Variants in KIAA0825 observed in about 807,000 individuals in gnomAD.
KIAA0825 encodes the protein KIAA0825, also known as uncharacterized protein KIAA0825.
In KIAA0825, 119 loss-of-function variants were observed where a neutral mutation model predicts 147.6. The ratio of observed to expected loss-of-function variants is 0.81; its 90% CI spans 0.69 to 0.94. KIAA0825 has a LOEUF of 0.94. KIAA0825 is among the 40% of genes least tolerant of loss of function. KIAA0825 has a pLI of 0.00. For missense variants in KIAA0825, 1,381 were observed against 1,472.7 expected (o/e 0.94, Z 1.02); for synonymous variants, 470 against 518.1 (o/e 0.91, Z 1.26).
At chr5:94,189,815 G>A (rs1770496875) in intron 20 of KIAA0825, among the ~76,000 whole-genome samples, 1 of 151,974 alleles carries the variant, frequency 6.6e-6, no homozygotes, top group Non-Finnish European at 1.5e-5. Flanking sequence ...AATCTTGTTT[G>A]AATTTTAATT....
intron 20 of KIAA0825, among the ~76,000 whole-genome samples, chr5:94,187,885 G>A (rs1015344241): frequency 3.3e-5 from 5 of 152,166 alleles, no homozygotes; most frequent in African/African-American, 1.2e-4. Context: ...CAATGTACAT[G>A]CAATGGACTG....
intron 2 of KIAA0825, among the ~76,000 whole-genome samples, chr5:94,554,221 C>G (rs1397670626): frequency 6.6e-6 from 1 of 152,158 alleles, no homozygotes; most frequent in Non-Finnish European, 1.5e-5. Context: ...CCTTACTCAA[C>G]AAAAGATGTC....
intron 1 of KIAA0825, chr5:94,617,933 A>G (rs1282267481): frequency 1.3e-5 from 2 of 152,252 alleles, no homozygotes; most frequent in African/African-American, 4.8e-5. Flanking sequence ...CCCAAGCATG[A>G]AATTACAAGC....
Position 94,520,439 on chromosome 5 carries a change from T to C in KIAA0825, c.779A>G (p.Asn260Ser). 6.2e-7 allele frequency: 1 copy of C among 1,612,740 alleles called. No individual in the cohort carries two copies. The highest frequency in any genetic ancestry group is 8.5e-7 in the Non-Finnish European group (1 of 1,178,986). Residue 260 changes from asparagine (N) to serine (S), a missense_variant, in exon 5 of 21, where the codon AAC (asparagine) becomes AGC (serine). Transcript: ENST00000682413. ...TGGAGCTAAAATTTCACATAGTGTG[T>C]TAAAATCCTCTTTTATTACTGAGTA... ...KLYSVIKEDF[N>S]TLCEILAPSS... is the part of the protein sequence containing the mutation.
At chr5:94,197,399 T>A (rs1771235868) in intron 20 of KIAA0825, among the ~76,000 whole-genome samples, 3 of 152,238 alleles carry the variant, frequency 2.0e-5, no homozygotes, top group Non-Finnish European at 4.4e-5. Context: ...GGAAATATTT[T>A]CTCCTATTCT....
chr5:94,568,290 C>T (rs375920465), intron 2 of KIAA0825: 160 of 158,692 alleles, frequency 1.0e-3, no homozygotes, highest in Non-Finnish European at 1.9e-3. Flanking sequence ...CCCTTCCTCA[C>T]GGGCTTCTAT....
At chr5:94,384,034 T>C (rs1748810568) in intron 20 of KIAA0825, among the ~76,000 whole-genome samples, 3 of 152,186 alleles carry the variant, frequency 2.0e-5, no homozygotes. Flanking sequence ...TAACTTTTGG[T>C]CTTTACAATA....
intron 1 of KIAA0825, among the ~76,000 whole-genome samples, chr5:94,610,933 C>T (rs1343892689): frequency 6.6e-6 from 1 of 151,694 alleles, no homozygotes; most frequent in Non-Finnish European, 1.5e-5. Context: ...TCAGTTTAAA[C>T]TCCTTAAAGT....
chr5:94,496,873 C>T (rs1197763029), intron 5 of KIAA0825, among the ~76,000 whole-genome samples: 1 of 152,068 alleles, frequency 6.6e-6, no homozygotes, highest in Non-Finnish European at 1.5e-5. Context: ...ATGGTGTTTG[C>T]AAGCCGCTGC....
chr5:94,506,209 C>T (rs1382045370), intron 5 of KIAA0825, among the ~76,000 whole-genome samples: 1 of 152,174 alleles, frequency 6.6e-6, no homozygotes, highest in Non-Finnish European at 1.5e-5. Flanking sequence ...CGCATGAATG[C>T]CTTACATAGT....
chr5:94,247,322 G>A (rs1429685986), intron 20 of KIAA0825, among the ~76,000 whole-genome samples: 2 of 152,116 alleles, frequency 1.3e-5, no homozygotes, highest in Non-Finnish European at 2.9e-5. Flanking sequence ...AGCATAAAAC[G>A]TTTAAACAAG....
At position 94,392,380 on chromosome 5, in the gene KIAA0825, T is replaced by C. The variant is rs116772291; in HGVS notation, c.3297-686A>G. On this transcript the variant is annotated intron_variant, in intron 17 of 20. Transcript: ENST00000682413. ...AACACCACACCAGGAATGTGCAAGA[T>C]ATAGTTCTAAAACATTTCTTTTAGA... is the stretch of plus-strand genomic sequence containing the variant. Among the ~76,000 whole-genome samples, 478 of 152,356 alleles carry C rather than the reference T, an allele frequency of 3.1e-3. 2 individuals are homozygous for C. The highest frequency in any genetic ancestry group is 0.011 in the African/African-American group (467 of 41,594).
intron 3 of KIAA0825, among the ~76,000 whole-genome samples, chr5:94,530,427 G>C (rs1312807672): frequency 6.6e-6 from 1 of 152,110 alleles, no homozygotes; most frequent in Non-Finnish European, 1.5e-5. Flanking sequence ...TAGGACTACA[G>C]GCATGTGCCA....
intron 20 of KIAA0825, among the ~76,000 whole-genome samples, chr5:94,336,957 C>T (rs1196709355): frequency 1.3e-5 from 2 of 152,060 alleles, no homozygotes; most frequent in Non-Finnish European, 2.9e-5. Flanking sequence ...AAATAAGTAT[C>T]AATACATTTA....
At chr5:94,417,473 T>C in intron 14 of KIAA0825, 108 bp from the exon 15 acceptor site, 2 of 812,234 alleles carry the variant, frequency 2.5e-6, no homozygotes. Flanking sequence ...AAATGGTTTT[T>C]AATAAGATTT....
chr5:94,461,756 T>G (rs190293552), intron 12 of KIAA0825, among the ~76,000 whole-genome samples: 2 of 152,016 alleles, frequency 1.3e-5, no homozygotes, highest in Admixed American at 6.6e-5. Context: ...CCCATGAAGA[T>G]ACAATTATTT....
intron 20 of KIAA0825, among the ~76,000 whole-genome samples, chr5:94,157,944 C>T (rs184042989): frequency 2.0e-5 from 3 of 152,296 alleles, no homozygotes; most frequent in South Asian, 2.1e-4. Flanking sequence ...GAGCAGCCAA[C>T]ACCAGACAGA....
At chr5:94,407,775 A>C (rs1031414079) in intron 15 of KIAA0825, among the ~76,000 whole-genome samples, 1 of 152,196 alleles carries the variant, frequency 6.6e-6, no homozygotes, top group Non-Finnish European at 1.5e-5. Context: ...AGTTCTGTGA[A>C]TCTACTAAAA....
chr5:94,160,549 ATGTT>A (rs1034921310), intron 20 of KIAA0825, among the ~76,000 whole-genome samples: 1 of 148,522 alleles, frequency 6.7e-6, no homozygotes, highest in Non-Finnish European at 1.5e-5. Flanking sequence ...ACATATATGT[ATGTT>A]AAGTATAAAT....
Sources: gnomAD v4.1 joint callset for allele counts (sites outside exome capture counted in the v4.1 genomes callset) on GRCh38, gnomAD v4.1.1 for gene constraint, MANE v1.5 for transcripts, NCBI Gene and HGNC (gene_info 2026-07-23, HGNC 2026-07-21) for gene names.